Variants in TNS3 observed in about 807,000 individuals in gnomAD.
TNS3 encodes tensin-3.
A neutral mutation model predicts 140.9 loss-of-function variants in TNS3; 45 were observed. The ratio of observed to expected loss-of-function variants is 0.32; its 90% CI spans 0.25 to 0.41. The LOEUF (loss-of-function observed/expected upper bound fraction) is 0.41, where lower values mean the gene tolerates loss of function less well. Among genes scored for constraint, TNS3 ranks in the 10% least tolerant of loss-of-function variants. The pLI is 1.00. For missense variants in TNS3, 1,716 were observed against 1,906.7 expected (o/e 0.90, Z 1.86); for synonymous variants, 815 against 788.4 (o/e 1.03, Z -0.56).
At chr7:47,512,676 A>C (rs1167655793) in intron 2 of TNS3, among the ~76,000 whole-genome samples, 2 of 152,186 alleles carry the variant, frequency 1.3e-5, no homozygotes, top group African/African-American at 4.8e-5. Context: ...CTCACAACTC[A>C]GACAGAAAGG....
intron 1 of TNS3, among the ~76,000 whole-genome samples, chr7:47,533,794 T>C (rs906982639): frequency 6.6e-6 from 1 of 152,126 alleles, no homozygotes; most frequent in Admixed American, 6.5e-5. Flanking sequence ...GGGGAGTTCC[T>C]CTGCACAAGC....
intron 22 of TNS3, 37 bp from the exon 23 acceptor site, chr7:47,302,309 G>T: frequency 6.5e-7 from 1 of 1,529,286 alleles, no homozygotes; most frequent in Non-Finnish European, 9.1e-7. Context: ...ACCATGATGG[G>T]CACTTTTCTT....
intron 14 of TNS3, 81 bp downstream of exon 14, chr7:47,400,704 A>G: frequency 1.3e-6 from 2 of 1,574,662 alleles, no homozygotes; most frequent in Non-Finnish European, 8.6e-7. Context: ...GAAAGAGGGT[A>G]AAGGGGATAG....
intron 4 of TNS3, among the ~76,000 whole-genome samples, chr7:47,479,425 G>T (rs1286387685): frequency 1.3e-5 from 2 of 152,126 alleles, no homozygotes; most frequent in Non-Finnish European, 2.9e-5. Flanking sequence ...GTCACAAACC[G>T]CAGCCTGTCA....
chr7:47,348,333 A>G (rs1789469092), intron 17 of TNS3, among the ~76,000 whole-genome samples: 1 of 152,292 alleles, frequency 6.6e-6, no homozygotes, highest in South Asian at 2.1e-4. Flanking sequence ...GCCTCAAGGG[A>G]AATCATTCCA....
At chr7:47,485,157 G>T (rs1041039287) in intron 3 of TNS3, among the ~76,000 whole-genome samples, 11 of 152,180 alleles carry the variant, frequency 7.2e-5, no homozygotes, top group Non-Finnish European at 1.5e-4. Context: ...CTTGTGCTTT[G>T]CCTGCTCTGT....
intron 4 of TNS3, among the ~76,000 whole-genome samples, chr7:47,457,137 A>AGGGGG (rs1796287096): frequency 3.5e-4 from 1 of 2,830 alleles, no homozygotes; most frequent in African/African-American, 1.1e-3. Context: ...GGAGGGGAGG[A>AGGGGG]GGGGAGGGGA....
intron 1 of TNS3, among the ~76,000 whole-genome samples, chr7:47,543,882 G>A (rs564755893): frequency 1.3e-5 from 2 of 152,216 alleles, no homozygotes; most frequent in Non-Finnish European, 2.9e-5. Context: ...CTGACAAACA[G>A]ATGGTGACTT....
At chr7:47,569,724 G>A (rs1470073035) in intron 1 of TNS3, among the ~76,000 whole-genome samples, 1 of 151,630 alleles carries the variant, frequency 6.6e-6, no homozygotes, top group South Asian at 2.1e-4. Flanking sequence ...CGTGGTGATG[G>A]TCATCTGTAA....
intron 21 of TNS3, 121 bp downstream of exon 21, chr7:47,304,711 G>T: frequency 9.4e-7 from 1 of 1,059,302 alleles, no homozygotes; most frequent in Non-Finnish European, 1.2e-6. Context: ...CTTCAGGCCA[G>T]TCCCTGCCTG....
chr7:47,552,947 T>C (rs955372415), intron 1 of TNS3, among the ~76,000 whole-genome samples: 1 of 152,224 alleles, frequency 6.6e-6, no homozygotes, highest in Non-Finnish European at 1.5e-5. Context: ...ACACCAATGA[T>C]AAGAAAGCAA....
intron 4 of TNS3, among the ~76,000 whole-genome samples, chr7:47,452,438 G>C (rs1796055817): frequency 6.6e-6 from 1 of 152,224 alleles, no homozygotes; most frequent in African/African-American, 2.4e-5. Flanking sequence ...ACACCCCATG[G>C]AGGGTGGGAA....
chr7:47,485,220 G>T (rs1025266820), intron 3 of TNS3, among the ~76,000 whole-genome samples: 1 of 152,348 alleles, frequency 6.6e-6, no homozygotes, highest in African/African-American at 2.4e-5. Context: ...CAAGAACCAG[G>T]CAGCGTTCCC....
chr7:47,503,626 A>T (rs926530580), intron 3 of TNS3, among the ~76,000 whole-genome samples: 1 of 152,210 alleles, frequency 6.6e-6, no homozygotes, highest in Non-Finnish European at 1.5e-5. Flanking sequence ...CAGCTAAGAG[A>T]AAGTTATTTT....
At chr7:47,360,833 A>G (rs61556138) in intron 17 of TNS3, among the ~76,000 whole-genome samples, 2,231 of 152,278 alleles carry the variant, frequency 0.015, 56 homozygotes, top group African/African-American at 0.048. Flanking sequence ...GATGATGCCC[A>G]TAACTGGGCA....
chr7:47,542,355 T>C (rs768351158), intron 1 of TNS3, among the ~76,000 whole-genome samples: 14 of 152,116 alleles, frequency 9.2e-5, no homozygotes, highest in Non-Finnish European at 1.6e-4. Context: ...CACCACACCT[T>C]GGCCAGACAA....
In TNS3 at chr7:47,573,846, A is replaced by G. The variant is rs187895098; in HGVS notation, c.-265+8205T>C. ...AAGATGCCAGTAATTCTGGTTCAAC[A>G]TGTTCCAAGGAGGGGAAAACGACAG... On this transcript the variant is annotated intron_variant, in intron 1 of 30. Transcript: ENST00000311160. Among the ~76,000 whole-genome samples the G allele has an allele frequency of 2.0e-3, 302 of 152,308 alleles. 1 individual carries two copies. Among genetic ancestry groups the G allele is most frequent in the Non-Finnish European group, 7.2e-4 (49 of 68,018 alleles).
intron 15 of TNS3, among the ~76,000 whole-genome samples, chr7:47,397,614 A>G (rs1019012305): frequency 1.3e-5 from 2 of 152,254 alleles, no homozygotes; most frequent in African/African-American, 4.8e-5. Flanking sequence ...CATGATGGAA[A>G]TTTAAAAATT....
intron 4 of TNS3, among the ~76,000 whole-genome samples, chr7:47,468,244 C>G (rs546685326): frequency 1.3e-5 from 2 of 152,210 alleles, no homozygotes; most frequent in East Asian, 3.9e-4. Flanking sequence ...AGTTCGAGAC[C>G]AGCCTGGCCA....
Sources: allele counts gnomAD v4.1 joint callset (sites outside exome capture counted in the v4.1 genomes callset), GRCh38; gene constraint gnomAD v4.1.1; transcripts MANE v1.5; gene names NCBI Gene and HGNC (gene_info 2026-07-23, HGNC 2026-07-21).